The following ACSM3 variants were observed in gnomAD, a reference collection of about 807,000 sequenced individuals.
ACSM3 encodes the protein acyl-coenzyme A synthetase ACSM3, mitochondrial.
A neutral mutation model predicts 74.1 loss-of-function variants in ACSM3; 61 were observed. The ratio of observed to expected loss-of-function variants is 0.82; its 90% CI spans 0.67 to 1.02. The LOEUF (loss-of-function observed/expected upper bound fraction) is 1.02, where lower values mean the gene tolerates loss of function less well. ACSM3 is among the 50% of genes least tolerant of loss of function. The pLI is 0.00. For missense variants in ACSM3, 660 were observed against 697.0 expected (o/e 0.95, Z 0.60); for synonymous variants, 213 against 241.5 (o/e 0.88, Z 1.09).
chr16:20,785,158 A>G, intron 8 of ACSM3, 51 bp downstream of exon 8: 1 of 1,604,240 alleles, frequency 6.2e-7, no homozygotes, highest in Admixed American at 1.7e-5. Flanking sequence ...AGTCAGATGA[A>G]TAAAAACCAA....
intron 1 of ACSM3, chr16:20,703,291 T>C (rs538371981): frequency 6.2e-4 from 94 of 152,350 alleles, no homozygotes; most frequent in African/African-American, 2.1e-3. Context: ...GTCTTGGCTA[T>C]ATGGGCTCTT....
At chr16:20,745,506 T>C (rs942567431) in intron 1 of ACSM3, among the ~76,000 whole-genome samples, 1 of 152,092 alleles carries the variant, frequency 6.6e-6, no homozygotes, top group African/African-American at 2.4e-5. Context: ...TGCTTGAACC[T>C]GGGAGGCAGA....
chr16:20,776,054 G>A lies in ACSM3; in HGVS notation c.430+5G>A. 1.9e-6 allele frequency: 3 copies of A among 1,613,860 alleles called. No homozygotes were observed. The highest frequency in any genetic ancestry group is 2.5e-6 in the Non-Finnish European group (3 of 1,179,804). ...ATGTGGCCTGTCTGCGAACAGGTTA[G>A]TAATGTTTGCTTTCCGATCATATTT... On this transcript the variant is annotated splice_donor_5th_base_variant and intron_variant, in intron 3 of 13. Transcript: ENST00000289416.
chr16:20,674,787 G>C (rs2020166257), exon 1 of ACSM3: 2 of 152,284 alleles, frequency 1.3e-5, no homozygotes, highest in African/African-American at 4.8e-5. Flanking sequence ...ACCTGAGATG[G>C]GGCTGCAGGA....
At chr16:20,679,039 A>T (rs190131467) in intron 1 of ACSM3, 1 of 152,404 alleles carries the variant, frequency 6.6e-6, no homozygotes, top group Non-Finnish European at 1.5e-5. Flanking sequence ...TAACAGACCC[A>T]GTACACCCTT....
chr16:20,733,250 A>T (rs1429488202), intron 1 of ACSM3, among the ~76,000 whole-genome samples: 1 of 152,200 alleles, frequency 6.6e-6, no homozygotes, highest in Non-Finnish European at 1.5e-5. Flanking sequence ...TTAGAAAAAG[A>T]AAGTGCACAA....
chr16:20,741,370 C>G (rs2079919146), intron 1 of ACSM3: 1 of 1,101,094 alleles, frequency 9.1e-7, no homozygotes, highest in Non-Finnish European at 1.3e-6. Flanking sequence ...GGGACGGAAA[C>G]GCCGGCGAGG....
chr16:20,790,879 G>A lies in ACSM3; in HGVS notation c.1326+191G>A. 1 of 1,613,984 alleles carries A rather than the reference G, an allele frequency of 6.2e-7. No individual in the cohort carries two copies. Among genetic ancestry groups the A allele is most frequent in the Non-Finnish European group, 8.5e-7 (1 of 1,179,966 alleles). The stretch of plus-strand genomic sequence containing the variant: ...ATTCTTGCTGAAGAAAAGCATGCTG[G>A]TCCCCTGAGGCCAGATCACTGTTCC... On this transcript the variant is annotated intron_variant, in intron 10 of 13. Transcript: ENST00000289416. The surrounding 1 kb of genome is among the most constrained non-coding windows in gnomAD (Gnocchi z 4.0).
chr16:20,767,091 T>C (rs898505733), intron 1 of ACSM3, among the ~76,000 whole-genome samples: 3 of 151,836 alleles, frequency 2.0e-5, no homozygotes, highest in South Asian at 2.1e-4. Context: ...GAAGATATTA[T>C]GCGAAAAAAA....
chr16:20,740,664 T>G (rs1486610351), intron 1 of ACSM3, among the ~76,000 whole-genome samples: 1 of 152,202 alleles, frequency 6.6e-6, no homozygotes, highest in Non-Finnish European at 1.5e-5. Context: ...GGATGAGCCG[T>G]GAATTTAAAT....
chr16:20,725,643 C>A (rs926202112), intron 1 of ACSM3, among the ~76,000 whole-genome samples: 6 of 152,104 alleles, frequency 3.9e-5, no homozygotes, highest in African/African-American at 1.4e-4. Context: ...CTACTCGATG[C>A]CAGTAGCACC....
intron 12 of ACSM3, among the ~76,000 whole-genome samples, chr16:20,795,593 T>A (rs1175438579): frequency 6.6e-6 from 1 of 152,232 alleles, no homozygotes; most frequent in Admixed American, 6.5e-5. Flanking sequence ...AAGTGCAGGA[T>A]ACTTAATCAT....
chr16:20,753,462 C>CAAAA (rs36090074), intron 2 of ACSM3, among the ~76,000 whole-genome samples: 13 of 101,482 alleles, frequency 1.3e-4, no homozygotes, highest in African/African-American at 1.6e-4. Flanking sequence ...AGACTGTCTC[C>CAAAA]AAAAAAAAAA....
intron 1 of ACSM3, among the ~76,000 whole-genome samples, chr16:20,712,656 A>G (rs1486245805): frequency 6.6e-6 from 1 of 152,036 alleles, no homozygotes; most frequent in African/African-American, 2.4e-5. Flanking sequence ...CTGTAATCCC[A>G]GCACTTTGGG....
At chr16:20,710,200 A>T (rs2079739902) in intron 1 of ACSM3, among the ~76,000 whole-genome samples, 1 of 152,132 alleles carries the variant, frequency 6.6e-6, no homozygotes, top group African/African-American at 2.4e-5. Flanking sequence ...ATGATGCTAG[A>T]CCACTAGAAT....
intron 1 of ACSM3, among the ~76,000 whole-genome samples, chr16:20,699,418 T>TG (rs1245458247): frequency 6.6e-6 from 1 of 152,174 alleles, no homozygotes; most frequent in Admixed American, 6.5e-5. Flanking sequence ...AGGACATTCC[T>TG]GACAGGACCG....
intron 1 of ACSM3, among the ~76,000 whole-genome samples, chr16:20,727,928 A>C (rs772709017): frequency 4.6e-5 from 7 of 152,210 alleles, no homozygotes; most frequent in Non-Finnish European, 8.8e-5. Context: ...CACCTAATGC[A>C]TTAGAAACTC....
chr16:20,774,086 TG>T (rs1478546271), intron 2 of ACSM3, among the ~76,000 whole-genome samples: 1 of 152,202 alleles, frequency 6.6e-6, no homozygotes, highest in Non-Finnish European at 1.5e-5. Context: ...CTTGCTGAAT[TG>T]ATCTATTTAT....
intron 1 of ACSM3, among the ~76,000 whole-genome samples, chr16:20,769,166 C>T (rs1449952961): frequency 6.6e-6 from 1 of 152,150 alleles, no homozygotes; most frequent in Non-Finnish European, 1.5e-5. Context: ...ATATATATTG[C>T]ATTGTAGGAA....
Sources: allele counts gnomAD v4.1 joint callset (sites outside exome capture counted in the v4.1 genomes callset), GRCh38; gene constraint gnomAD v4.1.1; non-coding constraint Gnocchi (gnomAD v3.1); transcripts MANE v1.5; gene names NCBI Gene and HGNC (gene_info 2026-07-23, HGNC 2026-07-21).